CSF2RA: variants seen among roughly 807,000 people sequenced by gnomAD.
The protein encoded by CSF2RA is granulocyte-macrophage colony-stimulating factor receptor subunit alpha.
A neutral mutation model predicts 51.6 loss-of-function variants in CSF2RA; 42 were observed. That is an observed-to-expected ratio of 0.81 (90% CI 0.64 to 1.05). The LOEUF (loss-of-function observed/expected upper bound fraction) is 1.05. Ranked by LOEUF, CSF2RA falls within the 50% of genes least tolerant of loss-of-function variation. The pLI is 0.00. For synonymous variants in CSF2RA, 222 were observed against 193.0 expected, an observed-to-expected ratio of 1.15 and a Z score of -1.24; for missense variants, 530 against 501.1, an observed-to-expected ratio of 1.06 and a Z score of -0.55.
At position 1,268,824 on chromosome X, in the gene CSF2RA, G is replaced by A. The variant is rs777637877; in HGVS notation, c.-146G>A. 641 of 454,126 alleles carry A rather than the reference G, an allele frequency of 1.4e-3. 7 individuals carry two copies. The highest frequency in any genetic ancestry group is 3.5e-3 in the Middle Eastern group (5 of 1,446). 28.1% of individuals were successfully genotyped at this position (454,126 alleles called of 1,614,324 possible). Reference sequence around the variant, plus strand: ...ACTCTGAAGGGAGCTACTCAGAAGCGGGAGTCTCCGAGAGAAGAAAAGCAG... The same window carrying A: ...ACTCTGAAGGGAGCTACTCAGAAGCAGGAGTCTCCGAGAGAAGAAAAGCAG... On this transcript the variant is annotated 5_prime_UTR_variant, in exon 1 of 13. Transcript: ENST00000381529.
In CSF2RA at chrX:1,305,555, C is replaced by T. The variant is rs182864548; in HGVS notation, c.1125+28C>T. On this transcript the variant is annotated intron_variant, in intron 12 of 12. Transcript: ENST00000381529. ...AGGCAGGGGTGGGCGGAGCAGTGAC[C>T]TGGGATGGAAGGTGGGGAGTGGGGA... 143 of 1,613,948 alleles carry T rather than the reference C, an allele frequency of 8.9e-5. 1 individual carries two copies. In the African/African-American group the frequency reaches 1.5e-3, roughly 17 times the overall value.
intron 10 of CSF2RA, among the ~76,000 whole-genome samples, chrX:1,300,983 G>A (rs370226952): frequency 2.9e-4 from 44 of 151,096 alleles, no homozygotes; most frequent in African/African-American, 8.8e-4. Context: ...GTGAAACCCC[G>A]TCTCTACTAA....
At chrX:1,278,835 C>G (rs1373234202) in intron 2 of CSF2RA, among the ~76,000 whole-genome samples, 2 of 149,044 alleles carry the variant, frequency 1.3e-5, no homozygotes, top group East Asian at 3.9e-4. Flanking sequence ...GTCAGAAGTT[C>G]GAGACCAGCC....
rs140515543 is a variant in CSF2RA at position 1,290,448 on chromosome X, C to T, written c.585C>T (p.Asn195=). The part of the protein sequence containing the change: ...GLTSRNYFLV[N]GTSREIGIQF... ...CGTCTCGCAATTACTTTCTGGTTAA[C>T]GGAACCAGCCGAGAAATTGGCATCC... The change falls in exon 7 of 13, where the codon AAC becomes AAT. Residue 195 remains asparagine (N), a synonymous_variant. Coordinates refer to ENST00000381529, the MANE Select transcript of CSF2RA (RefSeq NM_172245.4). 9.1e-5 allele frequency: 147 copies of T among 1,613,724 alleles called. 1 individual carries two copies. The highest frequency in any genetic ancestry group is 1.2e-4 in the Admixed American group (7 of 59,944).
intron 7 of CSF2RA, 44 bp downstream of exon 7, chrX:1,290,553 T>C (rs769551488): frequency 1.9e-6 from 3 of 1,595,538 alleles, no homozygotes; most frequent in Admixed American, 1.7e-5. Context: ...ATAGGTGAAA[T>C]GGAATTTGCC....
intron 7 of CSF2RA, 127 bp downstream of exon 7, chrX:1,290,636 G>A (rs1459675937): frequency 9.1e-5 from 86 of 947,906 alleles, no homozygotes; most frequent in Non-Finnish European, 1.3e-4. Context: ...AGGCCGAGGC[G>A]GGCCGATCAC....
Position 1,309,450 on chromosome X carries a change from G to C in CSF2RA, c.1174G>C (p.Glu392Gln). 6.2e-7 allele frequency: 1 copy of C among 1,614,020 alleles called. No individual in the cohort carries two copies. The highest frequency in any genetic ancestry group is 8.5e-7 in the Non-Finnish European group (1 of 1,179,868). Residue 392 changes from glutamate (E) to glutamine (Q), a missense_variant, in exon 13 of 13, where the codon GAG becomes CAG. Transcript: ENST00000381529. ...AGAGGAAGGGAAAGGCTACCGCGAA[G>C]AGGTCTTGACCGTGAAGGAAATTAC... is the stretch of plus-strand genomic sequence containing the variant. ...TPEEGKGYRE[E>Q]VLTVKEIT
At chrX:1,312,802 C>T (rs1351455117), downstream of CSF2RA, among the ~76,000 whole-genome samples, 1 of 152,106 alleles carries the variant, frequency 6.6e-6, no homozygotes, top group Non-Finnish European at 1.5e-5. Flanking sequence ...CCCAGCCGGC[C>T]CCTTGCTTCA....
At chrX:1,286,203 G>A (rs1403525458) in intron 4 of CSF2RA, among the ~76,000 whole-genome samples, 1 of 152,104 alleles carries the variant, frequency 6.6e-6, no homozygotes, top group Non-Finnish European at 1.5e-5. Context: ...AACCCGGGAG[G>A]TGGAAGTTGC....
downstream of CSF2RA, among the ~76,000 whole-genome samples, chrX:1,314,831 C>T (rs183003570): frequency 5.8e-5 from 5 of 85,486 alleles, 1 homozygote; most frequent in South Asian, 3.9e-4. Context: ...CCTGCCCAAC[C>T]GCACTGCACC....
chrX:1,287,423 A>G (rs2148350512), intron 4 of CSF2RA, among the ~76,000 whole-genome samples: 1 of 149,992 alleles, frequency 6.7e-6, no homozygotes, highest in African/African-American at 2.5e-5. Flanking sequence ...AAGTGCTGGC[A>G]TTACAGGTGT....
chrX:1,303,550 A>AT (rs1353127189), intron 10 of CSF2RA, among the ~76,000 whole-genome samples: 14 of 151,498 alleles, frequency 9.2e-5, no homozygotes, highest in Admixed American at 9.2e-4. Flanking sequence ...CAATTTTTGT[A>AT]TTTTTGGTAG....
intron 2 of CSF2RA, among the ~76,000 whole-genome samples, 198 bp downstream of exon 2, chrX:1,275,016 A>ATCC (rs1226524516): frequency 6.6e-6 from 1 of 150,450 alleles, no homozygotes; most frequent in Non-Finnish European, 1.5e-5. Flanking sequence ...GACAGTACAC[A>ATCC]TCCTCCTGAA....
At chrX:1,304,570 G>A (rs2083354062) in intron 11 of CSF2RA, among the ~76,000 whole-genome samples, 1 of 151,754 alleles carries the variant, frequency 6.6e-6, no homozygotes, top group Non-Finnish European at 1.5e-5. Flanking sequence ...CTGTTGAAGG[G>A]CTGAGCTCCA....
chrX:1,309,573 T>C lies in CSF2RA; in HGVS notation c.*94T>C, dbSNP rs138703402. Reference sequence around the variant, plus strand: ...GATGCTGTGAACCTTTATATCATTTTCTATGTTTTTATTTAAAAACATGAC... The same window carrying C: ...GATGCTGTGAACCTTTATATCATTTCCTATGTTTTTATTTAAAAACATGAC... On this transcript the variant is annotated 3_prime_UTR_variant, in exon 13 of 13. Transcript: ENST00000381529. 4 of 1,613,970 alleles carry C rather than the reference T, an allele frequency of 2.5e-6. No individual in the cohort carries two copies. The highest frequency in any genetic ancestry group is 3.4e-6 in the Non-Finnish European group (4 of 1,179,858).
chrX:1,300,713 G>A (rs1338982882), intron 10 of CSF2RA, 87 bp downstream of exon 10: 15 of 1,570,976 alleles, frequency 9.5e-6, no homozygotes, highest in African/African-American at 5.4e-5. Flanking sequence ...TGTCCTGGGC[G>A]CTGAGATCGA....
downstream of CSF2RA, among the ~76,000 whole-genome samples, chrX:1,314,509 GCACTGCACCTGCCCAATCC>G (rs1288303281): frequency 0.011 from 885 of 82,686 alleles, 35 homozygotes; most frequent in East Asian, 0.029. Flanking sequence ...CTGCCCAACC[GCACTGCACCTGCCCAATCC>G]CACTGCACCT....
intron 3 of CSF2RA, among the ~76,000 whole-genome samples, chrX:1,282,991 T>G: frequency 6.6e-6 from 1 of 152,232 alleles, no homozygotes; most frequent in Non-Finnish European, 1.5e-5. Context: ...ATTCTACAGA[T>G]GAGAAAACGG....
intron 4 of CSF2RA, among the ~76,000 whole-genome samples, chrX:1,287,005 A>G (rs1489418540): frequency 1.3e-5 from 2 of 152,006 alleles, no homozygotes; most frequent in Non-Finnish European, 2.9e-5. Context: ...GAAGAGAGAA[A>G]TATGGATGAT....
Sources: gnomAD v4.1 joint callset for allele counts (sites outside exome capture counted in the v4.1 genomes callset) on GRCh38, gnomAD v4.1.1 for gene constraint, MANE v1.5 for transcripts, NCBI Gene and HGNC (gene_info 2026-07-23, HGNC 2026-07-21) for gene names.